The following PDS5B variants were observed in gnomAD, a reference collection of about 807,000 sequenced individuals.
The protein encoded by PDS5B is sister chromatid cohesion protein PDS5 homolog B.
A neutral mutation model predicts 184.1 loss-of-function variants in PDS5B; 51 were observed. The ratio of observed to expected loss-of-function variants is 0.28; its 90% CI spans 0.22 to 0.35. The LOEUF (loss-of-function observed/expected upper bound fraction) is 0.35, where lower values mean the gene tolerates loss of function less well. Ranked by LOEUF, PDS5B falls within the 10% of genes least tolerant of loss-of-function variation. The pLI is 1.00. For synonymous variants in PDS5B, 566 were observed against 569.2 expected, an observed-to-expected ratio of 0.99 and a Z score of 0.08; for missense variants, 1,180 against 1,723.3, an observed-to-expected ratio of 0.68 and a Z score of 5.58.
chr13:32,735,128 T>A (rs768180974), intron 20 of PDS5B, 44 bp from the exon 21 acceptor site: 1 of 1,216,110 alleles, frequency 8.2e-7, no homozygotes, highest in South Asian at 1.9e-5. Context: ...AGTTTATTTG[T>A]ATATGTGTAG....
chr13:32,720,293 A>G (rs1278931217), intron 19 of PDS5B, among the ~76,000 whole-genome samples: 2 of 152,154 alleles, frequency 1.3e-5, no homozygotes, highest in Non-Finnish European at 2.9e-5. Flanking sequence ...TAGCATTCCA[A>G]CAATGCTGTC....
intron 1 of PDS5B, among the ~76,000 whole-genome samples, chr13:32,614,073 T>C (rs1478996560): frequency 6.6e-6 from 1 of 152,216 alleles, no homozygotes; most frequent in Non-Finnish European, 1.5e-5. Flanking sequence ...GGCTGTCTGT[T>C]CTGTTCCATT....
intron 1 of PDS5B, among the ~76,000 whole-genome samples, chr13:32,635,122 C>T (rs2058521049): frequency 7.0e-6 from 1 of 143,554 alleles, no homozygotes; most frequent in Non-Finnish European, 1.5e-5. Context: ...CCTCAGCCTC[C>T]TGAGAAGCTA....
At chr13:32,720,589 A>G (rs1269226489) in intron 19 of PDS5B, among the ~76,000 whole-genome samples, 1 of 151,822 alleles carries the variant, frequency 6.6e-6, no homozygotes, top group African/African-American at 2.4e-5. Flanking sequence ...ACAGGGGTAC[A>G]ACTTTTATCT....
At chr13:32,590,238 A>G (rs1229581465) in intron 1 of PDS5B, among the ~76,000 whole-genome samples, 1 of 152,248 alleles carries the variant, frequency 6.6e-6, no homozygotes, top group Non-Finnish European at 1.5e-5. Flanking sequence ...CATCTTTTTA[A>G]GGACTAAAAG....
chr13:32,674,932 T>G (rs921399760), intron 8 of PDS5B, among the ~76,000 whole-genome samples: 1 of 152,012 alleles, frequency 6.6e-6, no homozygotes. Flanking sequence ...TTTTTTTTTT[T>G]TTGTTCTTCT....
intron 1 of PDS5B, among the ~76,000 whole-genome samples, chr13:32,614,297 ATTTTT>A (rs34622192): frequency 7.3e-6 from 1 of 136,984 alleles, no homozygotes; most frequent in Non-Finnish European, 1.6e-5. Context: ...TCACATTGGA[ATTTTT>A]TTTTTTTTTT....
At chr13:32,611,762 G>C (rs764635322) in intron 1 of PDS5B, among the ~76,000 whole-genome samples, 1 of 151,932 alleles carries the variant, frequency 6.6e-6, no homozygotes, top group Non-Finnish European at 1.5e-5. Flanking sequence ...TTCCATCTCA[G>C]CCTCCCAAAG....
At chr13:32,662,132 T>G (rs985775945) in intron 6 of PDS5B, among the ~76,000 whole-genome samples, 3 of 151,998 alleles carry the variant, frequency 2.0e-5, no homozygotes, top group Admixed American at 2.0e-4. Flanking sequence ...TATAAAAGGA[T>G]GGGAAAAGTA....
chr13:32,700,188 A>T (rs1951827113), intron 16 of PDS5B, among the ~76,000 whole-genome samples: 1 of 152,046 alleles, frequency 6.6e-6, no homozygotes, highest in South Asian at 2.1e-4. Context: ...ACACATTTAG[A>T]TTTTTTCCTA....
Position 32,673,315 on chromosome 13 carries a change from T to C in PDS5B, c.805T>C (p.Leu269=). 1.2e-6 allele frequency: 2 copies of C among 1,613,174 alleles called. No homozygotes were observed. Among genetic ancestry groups the C allele is most frequent in the South Asian group, 1.1e-5 (1 of 90,924 alleles). Residue 269 remains leucine, a synonymous_variant, in exon 8 of 35, where the codon TTG becomes CTG. Coordinates refer to ENST00000315596, the MANE Select transcript of PDS5B (RefSeq NM_015032.4). ...GGAGCTCTACAATATTGATAGTCATTTGCTGCTCTCTGTTTTACCCCAGCT... is the reference window on the plus strand; with the variant it reads ...GGAGCTCTACAATATTGATAGTCATCTGCTGCTCTCTGTTTTACCCCAGCT... ...ILELYNIDSH[L]LLSVLPQLEF...
chr13:32,667,499 A>C (rs1321523740), intron 6 of PDS5B, among the ~76,000 whole-genome samples: 1 of 152,140 alleles, frequency 6.6e-6, no homozygotes, highest in Non-Finnish European at 1.5e-5. Context: ...TCTATCTAAT[A>C]AGCATTTATT....
chr13:32,640,850 C>T (rs369518604), intron 1 of PDS5B, among the ~76,000 whole-genome samples: 6 of 151,324 alleles, frequency 4.0e-5, no homozygotes, highest in African/African-American at 1.5e-4. Flanking sequence ...GTCAGGAGAT[C>T]GAGACCATCC....
rs1953599277 is a variant in PDS5B at position 32,742,663 on chromosome 13, A to G, written c.2548A>G (p.Thr850Ala). Residue 850 changes from threonine (T) to alanine (A), a missense_variant, in exon 23 of 35, where the codon ACC becomes GCC. Thr to Ala is a moderately conservative substitution (Grantham distance 58). Transcript: ENST00000315596. ...KNNHSKSGTS[T>A]LRLLTTILHS... ...TAATCACAGTAAATCAGGAACTTCT[A>G]CCTTAAGATTGCTAACAACAATATT... The G allele has an allele frequency of 1.2e-6, 2 of 1,611,664 alleles. No individual in the cohort carries two copies. Among genetic ancestry groups the G allele is most frequent in the South Asian group, 1.1e-5 (1 of 91,022 alleles).
At chr13:32,637,809 A>G (rs2058587356) in intron 1 of PDS5B, among the ~76,000 whole-genome samples, 1 of 151,958 alleles carries the variant, frequency 6.6e-6, no homozygotes, top group Non-Finnish European at 1.5e-5. Context: ...AGATGAATAA[A>G]ATAAGGATTA....
chr13:32,601,039 T>G (rs973856485), intron 1 of PDS5B, among the ~76,000 whole-genome samples: 2 of 152,196 alleles, frequency 1.3e-5, no homozygotes, highest in African/African-American at 4.8e-5. Context: ...TAAAACAGCT[T>G]TCTGCTTGAG....
chr13:32,656,497 A>G (rs150929415), intron 3 of PDS5B, among the ~76,000 whole-genome samples: 1 of 150,732 alleles, frequency 6.6e-6, no homozygotes, highest in African/African-American at 2.4e-5. Flanking sequence ...TTGTTGTGTC[A>G]TCTGTGGTTT....
intron 17 of PDS5B, among the ~76,000 whole-genome samples, chr13:32,701,929 C>A (rs1314559631): frequency 6.6e-6 from 1 of 152,086 alleles, no homozygotes; most frequent in Admixed American, 6.5e-5. Flanking sequence ...AAAGTTTCAG[C>A]TTTGATACTA....
At chr13:32,687,093 G>A (rs758195634) in intron 11 of PDS5B, 41 bp from the exon 12 acceptor site, 42 of 1,479,048 alleles carry the variant, frequency 2.8e-5, no homozygotes, top group Middle Eastern at 3.5e-4. Context: ...TTATATAATG[G>A]AAGCCTTTTT....
Sources: gnomAD v4.1 joint callset for allele counts (sites outside exome capture counted in the v4.1 genomes callset) on GRCh38, gnomAD v4.1.1 for gene constraint, MANE v1.5 for transcripts, NCBI Gene and HGNC (gene_info 2026-07-23, HGNC 2026-07-21) for gene names.